The following SINHCAF variants were observed in gnomAD, a reference collection of about 807,000 sequenced individuals.
SINHCAF encodes the protein SIN3-HDAC complex associated factor, also known as SIN3-HDAC complex-associated factor.
SINHCAF carries 3 observed loss-of-function variants against 25.8 expected under a neutral mutation model. That is an observed-to-expected ratio of 0.12 (90% CI 0.05 to 0.30). SINHCAF has a LOEUF of 0.30. SINHCAF is among the 10% of genes least tolerant of loss of function. SINHCAF has a pLI of 1.00. For missense variants in SINHCAF, 121 were observed against 262.3 expected, an observed-to-expected ratio of 0.46 and a Z score of 3.72; for synonymous variants, 70 against 85.5, an observed-to-expected ratio of 0.82 and a Z score of 1.00.
In SINHCAF at chr12:31,325,596, A is replaced by C; in HGVS notation, c.-21+428T>G. 1 of 179,792 alleles carries C rather than the reference A, an allele frequency of 5.6e-6. No individual in the cohort carries two copies. The highest frequency in any genetic ancestry group is 1.2e-5 in the Non-Finnish European group (1 of 83,206). 11.1% of individuals were successfully genotyped at this position (179,792 alleles called of 1,614,324 possible). On this transcript the variant is annotated intron_variant, in intron 1 of 5. Coordinates refer to ENST00000337682, the MANE Select transcript of SINHCAF (RefSeq NM_001135812.2). The surrounding 1 kb of genome is among the most constrained non-coding windows in gnomAD (Gnocchi z 5.9). Reference sequence around the variant, plus strand: ...GCCTCGCGCCCACGCGGACGCACCGACCCCGGCCGCTGCGCGGTGGCCAAC... The same window carrying C: ...GCCTCGCGCCCACGCGGACGCACCGCCCCCGGCCGCTGCGCGGTGGCCAAC...
intron 1 of SINHCAF, among the ~76,000 whole-genome samples, chr12:31,308,928 G>A (rs902241678): frequency 6.6e-6 from 1 of 151,916 alleles, no homozygotes; most frequent in Non-Finnish European, 1.5e-5. Flanking sequence ...AGGAGTTCGA[G>A]ACCAGCCTGG....
chr12:31,306,269 G>A (rs1233095645), intron 1 of SINHCAF, among the ~76,000 whole-genome samples: 1 of 152,170 alleles, frequency 6.6e-6, no homozygotes, highest in African/African-American at 2.4e-5. Flanking sequence ...AAATGATCCT[G>A]AGCCCCATAA....
chr12:31,287,728 T>C lies in SINHCAF; in HGVS notation c.412A>G (p.Ser138Gly). Residue 138 changes from serine to glycine, a missense_variant, in exon 5 of 6, where the codon AGT becomes GGT. Transcript: ENST00000337682. ...TCTGAGCCGTCATCTGACTGGTTAC[T>C]GTAACAAGGAGATTGAGCTGGGGAG... The part of the protein sequence containing the change: ...SASPAQSPCY[S>G]NQSDDGSDTE... 6.2e-7 allele frequency: 1 copy of C among 1,611,598 alleles called. No homozygotes were observed. Among genetic ancestry groups the C allele is most frequent in the Non-Finnish European group, 8.5e-7 (1 of 1,178,620 alleles).
chr12:31,285,898 C>T (rs1289358441), intron 5 of SINHCAF, among the ~76,000 whole-genome samples: 1 of 151,588 alleles, frequency 6.6e-6, no homozygotes, highest in African/African-American at 2.4e-5. Context: ...TTGCCTGAGC[C>T]CAGGAGGCGG....
At chr12:31,301,613 C>T (rs539899950) in intron 1 of SINHCAF, among the ~76,000 whole-genome samples, 1 of 152,300 alleles carries the variant, frequency 6.6e-6, no homozygotes, top group Admixed American at 6.5e-5. Flanking sequence ...AGCAAATACA[C>T]AGGGGTTTCA....
At chr12:31,298,019 T>C in intron 2 of SINHCAF, 58 bp downstream of exon 2, 8 of 1,509,848 alleles carry the variant, frequency 5.3e-6, no homozygotes, top group Non-Finnish European at 7.3e-6. Context: ...TACAAATATT[T>C]CTGTATGCTG....
intron 1 of SINHCAF, chr12:31,323,862 AGGAGGT>A (rs1290084210): frequency 2.3e-6 from 1 of 438,108 alleles, no homozygotes; most frequent in Non-Finnish European, 4.7e-6. Flanking sequence ...TCGGCTGGGG[AGGAGGT>A]GCTCGCCGCC....
rs116180492 is a variant in SINHCAF, at chr12:31,311,529, C to T, written c.-20-13305G>A. On this transcript the variant is annotated intron_variant, in intron 1 of 5. Coordinates refer to ENST00000337682, the MANE Select transcript of SINHCAF (RefSeq NM_001135812.2). ...GGACTCCAGGCAGGCCGGGCACACA[C>T]GCTGCTGGTACTGGAAGTGAACCAC... 3.8e-3 allele frequency: 854 copies of T among 225,956 alleles called. 6 individuals carry two copies. Among genetic ancestry groups the T allele is most frequent in the African/African-American group, 0.018 (783 of 43,312 alleles). 14.0% of individuals were successfully genotyped at this position (225,956 alleles called of 1,614,324 possible).
rs1048711706 is a variant in SINHCAF at position 31,304,883 on chromosome 12, A to G, written c.-20-6659T>C. The G allele has an allele frequency of 2.6e-5, 4 of 152,286 alleles. No individual in the cohort carries two copies. In the South Asian group the frequency reaches 8.3e-4, roughly 32 times the overall value. 9.4% of individuals were successfully genotyped at this position (152,286 alleles called of 1,614,324 possible). A position where few individuals can be genotyped will look rare whatever the true frequency, so the allele number is the denominator to read the frequency against. On this transcript the variant is annotated intron_variant, in intron 1 of 5. Coordinates refer to ENST00000337682, the MANE Select transcript of SINHCAF (RefSeq NM_001135812.2). ...GGCCATCATGTGTACAGAAACATTA[A>G]CCAGGTTATATATCCTATAATCTGA...
chr12:31,321,987 TG>T (rs143940522), intron 1 of SINHCAF, among the ~76,000 whole-genome samples: 3,662 of 151,220 alleles, frequency 0.024, 150 homozygotes, highest in African/African-American at 0.085. Context: ...ATAACCACTC[TG>T]GGGGAAAAAA....
At chr12:31,283,297 T>C (rs1392337296) in intron 5 of SINHCAF, among the ~76,000 whole-genome samples, 1 of 152,100 alleles carries the variant, frequency 6.6e-6, no homozygotes, top group Non-Finnish European at 1.5e-5. Context: ...AATTAAATAC[T>C]GAGTAGATAA....
chr12:31,306,808 C>T (rs1439528589), intron 1 of SINHCAF, among the ~76,000 whole-genome samples: 2 of 152,186 alleles, frequency 1.3e-5, no homozygotes, highest in Non-Finnish European at 2.9e-5. Flanking sequence ...AAGTCATGAG[C>T]ACCATCAGAT....
intron 1 of SINHCAF, among the ~76,000 whole-genome samples, chr12:31,316,461 T>A (rs563060270): frequency 1.3e-5 from 2 of 152,300 alleles, no homozygotes; most frequent in East Asian, 3.9e-4. Context: ...GAATCTAACC[T>A]TGGTGCTGAT....
At chr12:31,308,291 C>T (rs1214929796) in intron 1 of SINHCAF, among the ~76,000 whole-genome samples, 1 of 152,240 alleles carries the variant, frequency 6.6e-6, no homozygotes, top group South Asian at 2.1e-4. Flanking sequence ...CACGAGTCCA[C>T]ATGATGGGAT....
intron 1 of SINHCAF, chr12:31,303,076 T>G (rs1592973915): frequency 3.0e-6 from 3 of 985,292 alleles, no homozygotes; most frequent in Non-Finnish European, 3.6e-6. Flanking sequence ...TTTCAAGATG[T>G]TTTTCAAGAT....
chr12:31,310,479 G>C (rs1939222099), intron 1 of SINHCAF, among the ~76,000 whole-genome samples: 1 of 152,164 alleles, frequency 6.6e-6, no homozygotes, highest in Non-Finnish European at 1.5e-5. Flanking sequence ...AAAATGCCTA[G>C]TTTCTTGTAG....
intron 4 of SINHCAF, among the ~76,000 whole-genome samples, chr12:31,290,709 TTTTTG>T (rs912660001): frequency 1.8e-3 from 277 of 152,244 alleles, no homozygotes; most frequent in African/African-American, 6.5e-3. Flanking sequence ...TATCTGACCA[TTTTTG>T]TTTTGTTTTG....
At chr12:31,316,183 TA>T (rs953144834) in intron 1 of SINHCAF, among the ~76,000 whole-genome samples, 12 of 142,000 alleles carry the variant, frequency 8.5e-5, no homozygotes, top group African/African-American at 1.6e-4. Context: ...AAATAAAAAA[TA>T]AAAAAAAAAC....
intron 1 of SINHCAF, among the ~76,000 whole-genome samples, chr12:31,322,843 C>T (rs904851940): frequency 9.9e-5 from 15 of 152,112 alleles, no homozygotes; most frequent in South Asian, 4.1e-4. Flanking sequence ...TGGTGGGTAT[C>T]GGATGTCTAG....
Sources: allele counts gnomAD v4.1 joint callset (sites outside exome capture counted in the v4.1 genomes callset), GRCh38; gene constraint gnomAD v4.1.1; non-coding constraint Gnocchi (gnomAD v3.1); transcripts MANE v1.5; gene names NCBI Gene and HGNC (gene_info 2026-07-23, HGNC 2026-07-21).